Variants in PHF21A observed in about 807,000 individuals in gnomAD.
The protein encoded by PHF21A is PHD finger protein 21A, also known as BHC80a.
PHF21A carries 11 observed loss-of-function variants against 82.5 expected under a neutral mutation model. The ratio of observed to expected loss-of-function variants is 0.13; its 90% CI spans 0.08 to 0.22. PHF21A has a LOEUF of 0.22. Ranked by LOEUF, PHF21A falls within the 10% of genes least tolerant of loss-of-function variation. PHF21A has a pLI of 1.00. For missense variants in PHF21A, 579 were observed against 837.8 expected (o/e 0.69, Z 3.81); for synonymous variants, 297 against 302.8 (o/e 0.98, Z 0.20).
At chr11:45,971,890 C>CTTTCTTTCTTTTTTTTTTTTTTTTTTTT (rs57081937) in intron 7 of PHF21A, among the ~76,000 whole-genome samples, 3 of 50,294 alleles carry the variant, frequency 6.0e-5, no homozygotes, top group African/African-American at 1.3e-4. Context: ...CTTTTTCTTT[C>CTTTCTTTCTTTTTTTTTTTTTTTTTTTT]TTTTTTTTTT....
rs1016281662 is a variant in PHF21A at position 46,091,257 on chromosome 11, A to G, written c.-195-691T>C. Among the ~76,000 whole-genome samples, 10 of 152,328 alleles carry G rather than the reference A, an allele frequency of 6.6e-5. 1 individual carries two copies. Among genetic ancestry groups the G allele is most frequent in the Admixed American group, 5.2e-4 (8 of 15,300 alleles). On this transcript the variant is annotated intron_variant, in intron 2 of 18. Coordinates refer to ENST00000676320, the MANE Select transcript of PHF21A (RefSeq NM_001352027.3). ...TTTAAAAATTTTTTTAAAAAGGAGT[A>G]GTCTTGCACTAGGCGACTACCCTAT... is the stretch of plus-strand genomic sequence containing the variant.
chr11:46,049,535 G>C (rs1028599999), intron 6 of PHF21A: 1 of 455,628 alleles, frequency 2.2e-6, no homozygotes, highest in South Asian at 1.6e-5. Flanking sequence ...AGGTCAGGTA[G>C]AAGAGGGTGT....
At chr11:46,074,096 C>CT (rs2096690971) in intron 6 of PHF21A, among the ~76,000 whole-genome samples, 1 of 151,066 alleles carries the variant, frequency 6.6e-6, no homozygotes, top group African/African-American at 2.4e-5. Context: ...GAAATAGTGA[C>CT]TATCTGCAAT....
chr11:45,974,286 G>C (rs1031062024), intron 7 of PHF21A, among the ~76,000 whole-genome samples: 58 of 151,980 alleles, frequency 3.8e-4, no homozygotes, highest in Non-Finnish European at 5.9e-4. Flanking sequence ...AAGTATTAGG[G>C]AACACAAACC....
intron 11 of PHF21A, among the ~76,000 whole-genome samples, chr11:45,950,964 T>G (rs1470683089): frequency 2.0e-5 from 3 of 152,212 alleles, no homozygotes; most frequent in Admixed American, 1.3e-4. Flanking sequence ...CAATCACACA[T>G]GAACCTAAAA....
chr11:45,957,069 G>A lies in PHF21A; in HGVS notation c.997-3444C>T, dbSNP rs1042668073. On this transcript the variant is annotated intron_variant, in intron 10 of 18. Coordinates refer to ENST00000676320, the MANE Select transcript of PHF21A (RefSeq NM_001352027.3). ...TATATAATATACTGACAAAAGGGTCGATTCAAAAAGATGATATAACAGTTA... is the reference window on the plus strand; with the variant it reads ...TATATAATATACTGACAAAAGGGTCAATTCAAAAAGATGATATAACAGTTA... Among the ~76,000 whole-genome samples the A allele has an allele frequency of 3.9e-5, 6 of 151,996 alleles. No homozygotes were observed. The South Asian group carries it at 6.2e-4, about 16-fold the overall frequency.
chr11:46,011,576 G>T (rs1256766155), intron 6 of PHF21A, among the ~76,000 whole-genome samples: 2 of 152,108 alleles, frequency 1.3e-5, no homozygotes, highest in African/African-American at 4.8e-5. Flanking sequence ...TGGAAATCTA[G>T]GATTTCAAGA....
intron 6 of PHF21A, among the ~76,000 whole-genome samples, chr11:45,990,250 CTTTTTTTTTTTTTTTTTTT>C (rs201187984): frequency 1.8e-5 from 1 of 56,232 alleles, no homozygotes; most frequent in Non-Finnish European, 4.8e-5. Context: ...TTTTCATCTT[CTTTTTTTTTTTTTTTTTTT>C]TTTTTTTCAA....
intron 1 of PHF21A, among the ~76,000 whole-genome samples, chr11:46,105,728 A>G (rs1303192210): frequency 6.6e-6 from 1 of 152,242 alleles, no homozygotes. Context: ...ATAATTTTGT[A>G]ACTTGTCCAA....
At chr11:45,944,059 A>G (rs1283282925) in intron 15 of PHF21A, among the ~76,000 whole-genome samples, 1 of 152,268 alleles carries the variant, frequency 6.6e-6, no homozygotes, top group Non-Finnish European at 1.5e-5. Flanking sequence ...AATAAATGTC[A>G]AGAGTAATCT....
intron 6 of PHF21A, among the ~76,000 whole-genome samples, chr11:46,051,234 C>T (rs1176055730): frequency 1.3e-5 from 2 of 152,118 alleles, no homozygotes; most frequent in Non-Finnish European, 2.9e-5. Context: ...ATCATTGCTG[C>T]TTTAAAGAGT....
chr11:46,003,283 C>CA (rs201895719), intron 6 of PHF21A, among the ~76,000 whole-genome samples: 246 of 140,618 alleles, frequency 1.7e-3, no homozygotes, highest in South Asian at 5.7e-3. Context: ...GGCTAACATT[C>CA]AAAAAAAAAA....
At chr11:46,087,519 T>A (rs947229184) in intron 3 of PHF21A, among the ~76,000 whole-genome samples, 14 of 151,742 alleles carry the variant, frequency 9.2e-5, no homozygotes, top group Admixed American at 6.6e-4. Context: ...GAAAAACATA[T>A]GAAGGATTAG....
intron 1 of PHF21A, among the ~76,000 whole-genome samples, chr11:46,103,629 T>G (rs2135801466): frequency 6.6e-6 from 1 of 152,294 alleles, no homozygotes; most frequent in South Asian, 2.1e-4. Context: ...GCTGGGTTAG[T>G]GAGAACAAAA....
At chr11:45,981,886 C>A (rs1173847656) in intron 6 of PHF21A, among the ~76,000 whole-genome samples, 3 of 143,828 alleles carry the variant, frequency 2.1e-5, no homozygotes, top group Non-Finnish European at 3.0e-5. Flanking sequence ...AAAAAAAGTT[C>A]TCTTGAGAGT....
chr11:46,047,839 C>T (rs2096279034), intron 6 of PHF21A, among the ~76,000 whole-genome samples: 1 of 152,168 alleles, frequency 6.6e-6, no homozygotes, highest in Non-Finnish European at 1.5e-5. Flanking sequence ...TAAACAATGG[C>T]ACACTATGCA....
At chr11:46,025,200 AC>A (rs2095715516) in intron 6 of PHF21A, among the ~76,000 whole-genome samples, 2 of 151,984 alleles carry the variant, frequency 1.3e-5, no homozygotes, top group South Asian at 2.1e-4. Context: ...AAAAAAAAAA[AC>A]AACTTTTCTC....
At chr11:46,113,405 G>A (rs984400293) in intron 1 of PHF21A, among the ~76,000 whole-genome samples, 6 of 152,156 alleles carry the variant, frequency 3.9e-5, no homozygotes, top group South Asian at 2.1e-4. Flanking sequence ...AAAATCTTAC[G>A]TAGGAGAAGC....
chr11:46,117,873 T>C (rs1851801876), intron 1 of PHF21A: 1 of 152,224 alleles, frequency 6.6e-6, no homozygotes, highest in African/African-American at 2.4e-5. Flanking sequence ...AAGACTTCAC[T>C]TTCAAGTAGC....
Sources: gnomAD v4.1 joint callset for allele counts (sites outside exome capture counted in the v4.1 genomes callset) on GRCh38, gnomAD v4.1.1 for gene constraint, MANE v1.5 for transcripts, NCBI Gene and HGNC (gene_info 2026-07-23, HGNC 2026-07-21) for gene names.